The following RNF19B variants were observed in gnomAD, a reference collection of about 807,000 sequenced individuals.
RNF19B encodes ring finger protein 19B.
A neutral mutation model predicts 65.5 loss-of-function variants in RNF19B; 23 were observed. The observed-to-expected ratio is 0.35, with a 90% CI of 0.25 to 0.50. The LOEUF is 0.50. RNF19B is among the 20% of genes least tolerant of loss of function. The probability of loss-of-function intolerance (pLI) is 0.98; values close to 1 mark genes in which losing one functional copy is unlikely to be tolerated. For synonymous variants in RNF19B, 372 were observed against 379.6 expected (o/e 0.98, Z 0.23); for missense variants, 794 against 980.0 (o/e 0.81, Z 2.53).
chr1:32,946,366 T>G, intron 4 of RNF19B, 36 bp downstream of exon 4: 1 of 1,600,200 alleles, frequency 6.2e-7, no homozygotes, highest in Non-Finnish European at 8.5e-7. Flanking sequence ...GAACCTAAAG[T>G]TGAAACAAGC....
downstream of RNF19B, among the ~76,000 whole-genome samples, chr1:32,934,049 T>C (rs1426851806): frequency 1.3e-5 from 2 of 152,234 alleles, no homozygotes; most frequent in African/African-American, 2.4e-5. Flanking sequence ...CTCCAGGCTG[T>C]CTGCCTCTTT....
At chr1:32,945,295 G>A (rs1280817850) in intron 5 of RNF19B, among the ~76,000 whole-genome samples, 1 of 152,176 alleles carries the variant, frequency 6.6e-6, no homozygotes, top group Admixed American at 6.5e-5. Context: ...GTGCCAAATG[G>A]AGTTCTAGGC....
In RNF19B at chr1:32,948,265, A is replaced by G; in HGVS notation, c.940T>C (p.Cys314Arg). Reference sequence around the variant, plus strand: ...GAGATCTCTTTCATACAAAGCCAACAGAATTCACAGCCACACACTGCACAG... The same window carrying G: ...GAGATCTCTTTCATACAAAGCCAACGGAATTCACAGCCACACACTGCACAG... Reference protein sequence around the residue: ...MTCAVCGCEFCWLCMKEISDL... With the variant: ...MTCAVCGCEFRWLCMKEISDL... Residue 314 changes from cysteine to arginine, a missense_variant, in exon 3 of 9, where the codon TGT becomes CGT. Around this residue, in one of 3 missense-constraint regions of RNF19B, gnomAD observed 52 missense variants for 108.8 expected, o/e 0.48. Coordinates refer to ENST00000235150, the MANE Select transcript of RNF19B (RefSeq NM_001300826.2). The G allele has an allele frequency of 1.2e-6, 2 of 1,614,182 alleles. No homozygotes were observed. Among genetic ancestry groups the G allele is most frequent in the Non-Finnish European group, 1.7e-6 (2 of 1,180,006 alleles).
At chr1:32,931,363 G>A in the RNF19B span, among the ~76,000 whole-genome samples, 1 of 152,292 alleles carries the variant, frequency 6.6e-6, no homozygotes, top group Non-Finnish European at 1.5e-5. Flanking sequence ...CTGGTAGCAA[G>A]GAGGGGTAGG....
intron 3 of RNF19B, 125 bp downstream of exon 3, chr1:32,948,097 A>C: frequency 1.1e-6 from 1 of 914,708 alleles, no homozygotes; most frequent in Non-Finnish European, 1.6e-6. Context: ...GGAGCATGTC[A>C]GAAGAAGTTT....
chr1:32,935,359 G>C (rs1204206338), downstream of RNF19B, among the ~76,000 whole-genome samples: 1 of 151,470 alleles, frequency 6.6e-6, no homozygotes, highest in Admixed American at 6.6e-5. Flanking sequence ...GGCTGGTCTC[G>C]AACTCCTGAC....
chr1:32,958,295 GTTTTA>G (rs1642688208), intron 1 of RNF19B, among the ~76,000 whole-genome samples: 1 of 152,250 alleles, frequency 6.6e-6, no homozygotes, highest in Middle Eastern at 3.4e-3. Flanking sequence ...TCATAAACTT[GTTTTA>G]TTTTGTTTAA....
chr1:32,936,784 G>T lies in RNF19B; in HGVS notation c.*22C>A, dbSNP rs748568922. On this transcript the variant is annotated 3_prime_UTR_variant, in exon 9 of 9. Transcript: ENST00000235150. ...GATGCAGTTACAAGTGTGCTTCTCA[G>T]AACAGGAGCATTCATTCCACTTCAT... The T allele has an allele frequency of 6.6e-7, 1 of 1,516,942 alleles. No homozygotes were observed. The highest frequency in any genetic ancestry group is 2.3e-5 in the East Asian group (1 of 43,894). 94.0% of individuals were successfully genotyped at this position (1,516,942 alleles called of 1,614,324 possible). A position where few individuals can be genotyped will look rare whatever the true frequency, so the allele number is the denominator to read the frequency against.
the RNF19B span, among the ~76,000 whole-genome samples, chr1:32,929,494 C>G: frequency 6.6e-6 from 1 of 152,174 alleles, no homozygotes; most frequent in Non-Finnish European, 1.5e-5. Flanking sequence ...CTTTTTAGGT[C>G]TCAGCATTTG....
intron 7 of RNF19B, among the ~76,000 whole-genome samples, chr1:32,938,757 T>C (rs1642166737): frequency 6.6e-6 from 1 of 152,198 alleles, no homozygotes; most frequent in African/African-American, 2.4e-5. Context: ...CTTCAGGTTT[T>C]CATCATCTCC....
Position 32,964,055 on chromosome 1 carries a change from A to G in RNF19B, c.631T>C (p.Cys211Arg). Reference sequence around the variant, plus strand: ...GCGCCACGCCCCCGCGCTCACCCGCAGTCCGGGGCCGGGCACCAGCGGCAG... The same window carrying G: ...GCGCCACGCCCCCGCGCTCACCCGCGGTCCGGGGCCGGGCACCAGCGGCAG... ...PDCRWCPAPDCGYAVIAYGCA... is the reference protein window; with the variant it reads ...PDCRWCPAPDRGYAVIAYGCA... The change falls in exon 1 of 9, where the codon TGC becomes CGC. Residue 211 changes from cysteine (C) to arginine (R), a missense_variant. By Grantham distance (180) the Cys-to-Arg change is radical. Coordinates refer to ENST00000235150, the MANE Select transcript of RNF19B (RefSeq NM_001300826.2). The surrounding 1 kb of genome is among the most constrained non-coding windows in gnomAD (Gnocchi z 6.5). 6.7e-7 allele frequency: 1 copy of G among 1,493,526 alleles called. No homozygotes were observed. Among genetic ancestry groups the G allele is most frequent in the Non-Finnish European group, 8.9e-7 (1 of 1,122,580 alleles). 92.5% of individuals were successfully genotyped at this position (1,493,526 alleles called of 1,614,324 possible).
At chr1:32,960,684 C>T (rs911432214) in intron 1 of RNF19B, among the ~76,000 whole-genome samples, 23 of 152,048 alleles carry the variant, frequency 1.5e-4, no homozygotes, top group Non-Finnish European at 2.5e-4. Flanking sequence ...GGAACCATGA[C>T]ATCCAGTAAG....
At chr1:32,930,072 C>T in the RNF19B span, among the ~76,000 whole-genome samples, 2 of 152,220 alleles carry the variant, frequency 1.3e-5, no homozygotes, top group East Asian at 1.9e-4. Flanking sequence ...GTAGGTCACA[C>T]ATATGATAAA....
downstream of RNF19B, among the ~76,000 whole-genome samples, chr1:32,932,420 T>C (rs1642038333): frequency 6.6e-6 from 1 of 152,194 alleles, no homozygotes; most frequent in Non-Finnish European, 1.5e-5. Flanking sequence ...GAATCACTCC[T>C]CCTTCCACAT....
rs58254198 is a variant in RNF19B, at chr1:32,938,970, G to A, written c.1611-442C>T. Among the ~76,000 whole-genome samples, 1,104 of 152,248 alleles carry A rather than the reference G, an allele frequency of 7.3e-3. 13 individuals carry two copies. Among genetic ancestry groups the A allele is most frequent in the African/African-American group, 0.025 (1,035 of 41,538 alleles). ...CAGTTCTATCACTCCCTATAGATCC[G>A]AAATCATAGTCACTCTGAATTCTTT... On this transcript the variant is annotated intron_variant, in intron 7 of 8. Transcript: ENST00000235150.
At chr1:32,943,802 C>T (rs563970377) in intron 6 of RNF19B, among the ~76,000 whole-genome samples, 1 of 152,210 alleles carries the variant, frequency 6.6e-6, no homozygotes, top group Admixed American at 6.5e-5. Flanking sequence ...TACTTGGATT[C>T]CTACTAGTTT....
intron 7 of RNF19B, among the ~76,000 whole-genome samples, chr1:32,939,311 C>T (rs1642178551): frequency 6.6e-6 from 1 of 152,180 alleles, no homozygotes; most frequent in East Asian, 1.9e-4. Flanking sequence ...CCTCAGCCTC[C>T]CAAGTAGCTG....
chr1:32,964,297 C>G lies in RNF19B; in HGVS notation c.389G>C (p.Arg130Pro). Residue 130 changes from arginine (R) to proline (P), a missense_variant, in exon 1 of 9, where the codon CGG becomes CCG. This residue lies in a region of RNF19B where 374 missense variants were observed against 423.8 expected (regional missense o/e 0.88). Transcript: ENST00000235150. This position sits in a 1 kb window ranked among gnomAD's most constrained non-coding sequence, Gnocchi z 6.5. ...CGGACAGCTGAGGAGGCGCGGGGCC[C>G]GCTCAGGCGGCAGCCGCACCAGGCA... ...PLCLVRLPPE[R>P]APRLLSCPHR... 1 of 1,520,582 alleles carries G rather than the reference C, an allele frequency of 6.6e-7. No individual in the cohort carries two copies. The highest frequency in any genetic ancestry group is 8.8e-7 in the Non-Finnish European group (1 of 1,138,500). 94.2% of individuals were successfully genotyped at this position (1,520,582 alleles called of 1,614,324 possible).
intron 1 of RNF19B, among the ~76,000 whole-genome samples, chr1:32,952,711 G>GTCACTCCA (rs1642536544): frequency 6.7e-6 from 1 of 150,366 alleles, no homozygotes; most frequent in Middle Eastern, 3.2e-3. Flanking sequence ...CACCATGGGT[G>GTCACTCCA]TCACTCCAGC....
Sources: allele counts gnomAD v4.1 joint callset (sites outside exome capture counted in the v4.1 genomes callset), GRCh38; gene constraint gnomAD v4.1.1; regional missense constraint gnomAD v4.1.1; non-coding constraint Gnocchi (gnomAD v3.1); transcripts MANE v1.5; gene names NCBI Gene and HGNC (gene_info 2026-07-23, HGNC 2026-07-21).